The following TTC9 variants were observed in gnomAD, a reference collection of about 807,000 sequenced individuals.
TTC9 encodes tetratricopeptide repeat domain 9, also known as tetratricopeptide repeat protein 9A.
In TTC9, 13 loss-of-function variants were observed where a neutral mutation model predicts 22.9. That is an observed-to-expected ratio of 0.57 (90% confidence interval 0.37 to 0.90). The LOEUF (loss-of-function observed/expected upper bound fraction) is 0.90. Among genes scored for constraint, TTC9 ranks in the 40% least tolerant of loss-of-function variants. TTC9 has a pLI of 0.01. For synonymous variants in TTC9, 148 were observed against 133.2 expected (o/e 1.11, Z -0.77); for missense variants, 280 against 291.8 (o/e 0.96, Z 0.29).
chr14:70,647,182 A>G (rs1017749029), intron 1 of TTC9, among the ~76,000 whole-genome samples: 2 of 152,252 alleles, frequency 1.3e-5, no homozygotes, highest in African/African-American at 4.8e-5. Flanking sequence ...ATGAGGAATT[A>G]TAAAAATTAT....
intron 1 of TTC9, among the ~76,000 whole-genome samples, chr14:70,651,054 C>T (rs939742887): frequency 3.3e-5 from 5 of 152,022 alleles, no homozygotes; most frequent in Non-Finnish European, 7.4e-5. Context: ...GTTATCAGCT[C>T]ACTGCAACCT....
chr14:70,670,038 G>A (rs1886270190), intron 2 of TTC9, among the ~76,000 whole-genome samples: 1 of 152,102 alleles, frequency 6.6e-6, no homozygotes, highest in African/African-American at 2.4e-5. Flanking sequence ...AGACAATAAA[G>A]CAAAGTCATT....
chr14:70,656,034 C>T lies in TTC9; in HGVS notation c.407-11530C>T, dbSNP rs746336348. ...AGCAGTCTGGGCATCTTTTCATCTA[C>T]GTGTGTGCCTGCTACTGACCTCTAA... is the stretch of plus-strand genomic sequence containing the variant. On this transcript the variant is annotated intron_variant, in intron 1 of 2. Transcript: ENST00000256367. Among the ~76,000 whole-genome samples, 27 of 152,088 alleles carry T rather than the reference C, an allele frequency of 1.8e-4. 1 individual carries two copies. The highest frequency in any genetic ancestry group is 3.7e-4 in the Non-Finnish European group (25 of 68,006).
rs1886294818 is a variant in TTC9, at chr14:70,671,517, C to T, written c.*362C>T. 3 of 237,938 alleles carry T rather than the reference C, an allele frequency of 1.3e-5. No individual in the cohort carries two copies. Among genetic ancestry groups the T allele is most frequent in the African/African-American group, 2.3e-5 (1 of 44,346 alleles). 14.7% of individuals were successfully genotyped at this position (237,938 alleles called of 1,614,324 possible). On this transcript the variant is annotated 3_prime_UTR_variant, in exon 3 of 3. Coordinates refer to ENST00000256367, the MANE Select transcript of TTC9 (RefSeq NM_015351.2). ...GGAGCCTGGCAAGTGTACCATCCCA[C>T]AGGCAGCAGGCACACAGCCCATGGG...
At chr14:70,650,704 T>G (rs1294557546) in intron 1 of TTC9, among the ~76,000 whole-genome samples, 1 of 152,204 alleles carries the variant, frequency 6.6e-6, no homozygotes, top group African/African-American at 2.4e-5. Flanking sequence ...CTCCACATCA[T>G]TCTTTCTGAA....
At chr14:70,647,614 C>T (rs1380497734) in intron 1 of TTC9, among the ~76,000 whole-genome samples, 2 of 152,144 alleles carry the variant, frequency 1.3e-5, no homozygotes, top group African/African-American at 2.4e-5. Context: ...GATGAACTCT[C>T]ACGCATCATG....
At chr14:70,665,848 T>C (rs1057233029) in intron 1 of TTC9, among the ~76,000 whole-genome samples, 1 of 152,124 alleles carries the variant, frequency 6.6e-6, no homozygotes, top group African/African-American at 2.4e-5. Context: ...GTGACTTGTC[T>C]CTATCCTGAG....
intron 2 of TTC9, among the ~76,000 whole-genome samples, chr14:70,670,234 C>T (rs1041361335): frequency 1.3e-5 from 2 of 152,252 alleles, no homozygotes; most frequent in African/African-American, 4.8e-5. Context: ...GCATCTGACT[C>T]AATCTCGCTA....
intron 2 of TTC9, 60 bp downstream of exon 2, chr14:70,667,806 C>A (rs1439340752): frequency 1.3e-6 from 2 of 1,499,666 alleles, no homozygotes; most frequent in African/African-American, 2.8e-5. Flanking sequence ...CTGGGACCTT[C>A]TCATTTCAGC....
Position 70,671,350 on chromosome 14 carries a change from C to T in TTC9, c.*195C>T, listed in dbSNP as rs144093679. On this transcript the variant is annotated 3_prime_UTR_variant, in exon 3 of 3. Transcript: ENST00000256367. ...GATGCAAATTTGGAATCTGGTAGGT[C>T]GCCCAGACAATGGAGACATCCTCTC... 3.4e-4 allele frequency: 174 copies of T among 510,480 alleles called. No individual in the cohort carries two copies. Among genetic ancestry groups the T allele is most frequent in the African/African-American group, 3.0e-3 (157 of 51,838 alleles). The allele number at this position is 510,480 out of a possible 1,614,324, so 31.6% of individuals were successfully genotyped here. A position where few individuals can be genotyped will look rare whatever the true frequency, so the allele number is the denominator to read the frequency against.
rs180692487 is a variant in TTC9, at chr14:70,646,003, A to C, written c.406+3468A>C. On this transcript the variant is annotated intron_variant, in intron 1 of 2. Coordinates refer to ENST00000256367, the MANE Select transcript of TTC9 (RefSeq NM_015351.2). The stretch of plus-strand genomic sequence containing the variant: ...TCCACATGGAAGCCTCCAAAAGAAT[A>C]GCAAGAGGACAGCTAGAATGTGCTA... Among the ~76,000 whole-genome samples, 67 of 152,366 alleles carry C rather than the reference A, an allele frequency of 4.4e-4. 1 individual carries two copies. The Middle Eastern group carries it at 0.01, about 23-fold the overall frequency.
In TTC9 at chr14:70,654,829, G is replaced by A. The variant is rs1437442711; in HGVS notation, c.406+12294G>A. ...ACGAAACAGAAAAAGGAAAGCCACC[G>A]TACAAAAAAATGGAAGCGAGGTACA... On this transcript the variant is annotated intron_variant, in intron 1 of 2. Coordinates refer to ENST00000256367, the MANE Select transcript of TTC9 (RefSeq NM_015351.2). 2.6e-5 allele frequency among the ~76,000 whole-genome samples: 4 copies of A among 151,940 alleles called. No homozygotes were observed. The East Asian group carries it at 5.8e-4, about 22-fold the overall frequency.
chr14:70,653,927 G>A (rs554104794), intron 1 of TTC9, among the ~76,000 whole-genome samples: 5 of 152,328 alleles, frequency 3.3e-5, no homozygotes, highest in South Asian at 2.1e-4. Context: ...GGAGACATCC[G>A]ACAGAGAAGC....
chr14:70,657,617 G>A (rs893805978), intron 1 of TTC9, among the ~76,000 whole-genome samples: 18 of 152,260 alleles, frequency 1.2e-4, no homozygotes, highest in African/African-American at 4.1e-4. Flanking sequence ...CAGCAGTAGT[G>A]GGAGACTCTC....
Position 70,672,819 on chromosome 14 carries a change from T to A in TTC9, c.*1664T>A, listed in dbSNP as rs1886316035. On this transcript the variant is annotated 3_prime_UTR_variant, in exon 3 of 3. Coordinates refer to ENST00000256367, the MANE Select transcript of TTC9 (RefSeq NM_015351.2). ...AAAAATTAATTATCCCAAGGTTGCA[T>A]GGCCTTTAGTGGCATAGCTAGGATT... 6.6e-6 allele frequency: 1 copy of A among 152,246 alleles called. No homozygotes were observed. Among genetic ancestry groups the A allele is most frequent in the South Asian group, 2.1e-4 (1 of 4,834 alleles). The allele number at this position is 152,246 out of a possible 1,614,324, so 9.4% of individuals were successfully genotyped here.
intron 1 of TTC9, among the ~76,000 whole-genome samples, chr14:70,660,826 C>T (rs1886135172): frequency 1.3e-5 from 2 of 152,234 alleles, no homozygotes; most frequent in South Asian, 4.1e-4. Flanking sequence ...CACTTTACTA[C>T]TATGTCATTG....
chr14:70,656,952 C>T lies in TTC9; in HGVS notation c.407-10612C>T, dbSNP rs954795691. Reference sequence around the variant, plus strand: ...CAAAGTCAAGGGTGAGAGTAAGGGGCCATAGGTGGGATAACTTCTAAGTGT... The same window carrying T: ...CAAAGTCAAGGGTGAGAGTAAGGGGTCATAGGTGGGATAACTTCTAAGTGT... On this transcript the variant is annotated intron_variant, in intron 1 of 2. Transcript: ENST00000256367. 3.3e-5 allele frequency among the ~76,000 whole-genome samples: 5 copies of T among 152,244 alleles called. No individual in the cohort carries two copies. In the East Asian group the frequency reaches 9.7e-4, roughly 29 times the overall value.
chr14:70,654,164 C>T (rs1167501111), intron 1 of TTC9, among the ~76,000 whole-genome samples: 1 of 152,120 alleles, frequency 6.6e-6, no homozygotes, highest in Non-Finnish European at 1.5e-5. Flanking sequence ...AGAACAGTGC[C>T]CCATGAAGAG....
intron 1 of TTC9, among the ~76,000 whole-genome samples, chr14:70,644,887 C>T (rs1320936683): frequency 4.0e-5 from 6 of 151,892 alleles, no homozygotes; most frequent in East Asian, 3.9e-4. Flanking sequence ...CCGAGGCGGG[C>T]GGATCACGAG....
Sources: allele counts gnomAD v4.1 joint callset (sites outside exome capture counted in the v4.1 genomes callset), GRCh38; gene constraint gnomAD v4.1.1; transcripts MANE v1.5; gene names NCBI Gene and HGNC (gene_info 2026-07-23, HGNC 2026-07-21).